Variants in TLR5 observed in about 807,000 individuals in gnomAD.
The protein encoded by TLR5 is toll like receptor 5, also known as toll-like receptor 5.
For missense variants in TLR5, 944 were observed against 999.8 expected, an observed-to-expected ratio of 0.94 and a Z score of 0.75; for synonymous variants, 373 against 384.4, an observed-to-expected ratio of 0.97 and a Z score of 0.35.
At chr1:223,118,858 C>T (rs1571740432) in intron 5 of TLR5, among the ~76,000 whole-genome samples, 1 of 152,090 alleles carries the variant, frequency 6.6e-6, no homozygotes, top group East Asian at 1.9e-4. Flanking sequence ...AACCCCAGCA[C>T]TTTGGGAGGC....
At position 223,109,752 on chromosome 1, in the gene TLR5, G is replaced by A. The variant is rs1408206152; in HGVS notation, c.*703C>T. On this transcript the variant is annotated 3_prime_UTR_variant, in exon 6 of 6. Transcript: ENST00000642603. ...TCAATGAGGTGTGCTAGGAAACAAA[G>A]CTGAAAAGGTAGGTTGGTGATAAAT... The A allele has an allele frequency of 6.5e-6, 1 of 153,094 alleles. No individual in the cohort carries two copies. The highest frequency in any genetic ancestry group is 6.5e-5 in the Admixed American group (1 of 15,364). 9.5% of individuals were successfully genotyped at this position (153,094 alleles called of 1,614,324 possible).
intron 5 of TLR5, among the ~76,000 whole-genome samples, chr1:223,130,584 C>G (rs1322396785): frequency 6.6e-6 from 1 of 152,178 alleles, no homozygotes; most frequent in African/African-American, 2.4e-5. Context: ...TTGCTTGCTT[C>G]TTTCTCTCCT....
chr1:223,121,554 TG>T (rs1656955054), intron 5 of TLR5, among the ~76,000 whole-genome samples: 1 of 152,232 alleles, frequency 6.6e-6, no homozygotes, highest in Non-Finnish European at 1.5e-5. Flanking sequence ...GGTCTCACTC[TG>T]CTGTCCAGGC....
chr1:223,118,535 A>C lies in TLR5; in HGVS notation c.-4-5500T>G, dbSNP rs184861258. ...GTACTCCAGCCTGGGTGACAGAGCA[A>C]GACTCCATCTCAAAAAAAGAAAAAA... On this transcript the variant is annotated intron_variant, in intron 5 of 5. Transcript: ENST00000642603. Among the ~76,000 whole-genome samples, 378 of 150,864 alleles carry C rather than the reference A, an allele frequency of 2.5e-3. 1 individual carries two copies. Among genetic ancestry groups the C allele is most frequent in the Middle Eastern group, 0.01 (3 of 294 alleles).
chr1:223,142,701 G>A (rs1300611761), intron 1 of TLR5, among the ~76,000 whole-genome samples: 6 of 152,194 alleles, frequency 3.9e-5, no homozygotes. Flanking sequence ...GTGCTGTGGG[G>A]TGGGGTGTTT....
intron 5 of TLR5, chr1:223,123,356 C>CA (rs1657025732): frequency 6.6e-6 from 1 of 152,192 alleles, no homozygotes; most frequent in Non-Finnish European, 1.5e-5. Flanking sequence ...AAGTGAAAGA[C>CA]AGCCCCAAAC....
In TLR5 at chr1:223,116,908, A is replaced by G. The variant is rs768142532; in HGVS notation, c.-4-3873T>C. On this transcript the variant is annotated intron_variant, in intron 5 of 5. Transcript: ENST00000642603. ...GAGCCCAGCTGGCTTTGCCTAGTGG[A>G]TCCCGCGTCAGGGCTAGGGGCAGAG... Among the ~76,000 whole-genome samples, 9 of 152,312 alleles carry G rather than the reference A, an allele frequency of 5.9e-5. 1 individual carries two copies. The highest frequency in any genetic ancestry group is 1.2e-4 in the Non-Finnish European group (8 of 68,034).
intron 5 of TLR5, among the ~76,000 whole-genome samples, chr1:223,118,424 GA>G (rs554634954): frequency 7.0e-4 from 107 of 152,010 alleles, no homozygotes; most frequent in Admixed American, 6.2e-3. Context: ...GCGCATGCCT[GA>G]AATCCTAGCT....
rs759869075 is a variant in TLR5 at position 223,111,955 on chromosome 1, T to C, written c.1077A>G (p.Leu359=). The change falls in exon 6 of 6, where the codon CTA becomes CTG. Residue 359 remains leucine (L), a synonymous_variant. Coordinates refer to ENST00000642603, the MANE Select transcript of TLR5 (RefSeq NM_003268.6). The stretch of plus-strand genomic sequence containing the variant: ...GCAAATCAATGTAGGCTACCTTAGG[T>C]AGTCCATAGAAATTCGAACTGTAAA... ...GELYSSNFYG[L]PKVAYIDLQK... is the part of the protein sequence containing the mutation. 6.2e-7 allele frequency: 1 copy of C among 1,614,176 alleles called. No homozygotes were observed. The highest frequency in any genetic ancestry group is 1.7e-5 in the Admixed American group (1 of 60,024).
intron 5 of TLR5, among the ~76,000 whole-genome samples, chr1:223,119,504 A>G (rs1291289235): frequency 6.6e-6 from 1 of 152,148 alleles, no homozygotes; most frequent in African/African-American, 2.4e-5. Flanking sequence ...CATTCCAAAA[A>G]AAAACCTGAA....
At chr1:223,119,983 A>AAATAAAAT (rs1656870406) in intron 5 of TLR5, among the ~76,000 whole-genome samples, 1 of 63,118 alleles carries the variant, frequency 1.6e-5, no homozygotes, top group African/African-American at 9.7e-5. Flanking sequence ...TAAAATAAAT[A>AAATAAAAT]AAATAAAATA....
At chr1:223,136,416 T>C (rs761532896) in intron 3 of TLR5, among the ~76,000 whole-genome samples, 1 of 152,206 alleles carries the variant, frequency 6.6e-6, no homozygotes, top group Non-Finnish European at 1.5e-5. Flanking sequence ...ATTTCTATGG[T>C]TGCTGGCCAG....
intron 5 of TLR5, chr1:223,129,235 G>C (rs1306912679): frequency 2.6e-5 from 4 of 152,270 alleles, no homozygotes; most frequent in African/African-American, 4.8e-5. Flanking sequence ...CTGGGCTCCT[G>C]TCGCAGAAAC....
In TLR5 at chr1:223,112,700, TGCAAGAA is replaced by T. The variant is rs770348423; in HGVS notation, c.325_331del (p.Phe109IlefsTer26). 1.2e-6 allele frequency: 2 copies of T among 1,614,250 alleles called. No individual in the cohort carries two copies. Among genetic ancestry groups the T allele is most frequent in the South Asian group, 2.2e-5 (2 of 91,090 alleles). ...GAACAGTCCCTGAAAAGCATCTGGA[TGCAAGAA>T]GTATATCTTACTACTTCCCAGGTCC... On this transcript the variant is annotated frameshift_variant, in exon 6 of 6. Coordinates refer to ENST00000642603, the MANE Select transcript of TLR5 (RefSeq NM_003268.6). LOFTEE classifies it low-confidence loss of function (END_TRUNC).
chr1:223,117,644 G>A (rs898808769), intron 5 of TLR5, among the ~76,000 whole-genome samples: 3 of 150,944 alleles, frequency 2.0e-5, no homozygotes, highest in African/African-American at 7.3e-5. Flanking sequence ...TCAACAGAAA[G>A]ATAAAGGGAT....
At chr1:223,124,359 C>CTT (rs1388049900) in intron 5 of TLR5, among the ~76,000 whole-genome samples, 4 of 151,380 alleles carry the variant, frequency 2.6e-5, no homozygotes, top group Non-Finnish European at 4.4e-5. Flanking sequence ...AGGAGAAACC[C>CTT]TTGAGCCCAG....
chr1:223,112,411 G>A lies in TLR5; in HGVS notation c.621C>T (p.Ser207=), dbSNP rs144760792. The A allele has an allele frequency of 1.9e-6, 3 of 1,614,104 alleles. No individual in the cohort carries two copies. The highest frequency in any genetic ancestry group is 1.3e-5 in the African/African-American group (1 of 74,932). The part of the protein sequence containing the change: ...TLSFFSLAAN[S]LYSRVSVDWG... ...AGTCCACTGAGACTCTGCTATACAA[G>A]CTATTAGCTGCGAGGCTAAAAAAGG... Residue 207 remains serine, a synonymous_variant, in exon 6 of 6, where the codon AGC becomes AGT. Transcript: ENST00000642603.
chr1:223,118,615 A>G (rs934785972), intron 5 of TLR5, among the ~76,000 whole-genome samples: 2 of 152,102 alleles, frequency 1.3e-5, no homozygotes, highest in East Asian at 3.9e-4. Flanking sequence ...GTGGAGTCCA[A>G]AGTTTGATCA....
Position 223,110,949 on chromosome 1 carries a change from C to A in TLR5, c.2083G>T (p.Ala695Ser). The A allele has an allele frequency of 6.2e-7, 1 of 1,614,218 alleles. No homozygotes were observed. Among genetic ancestry groups the A allele is most frequent in the East Asian group, 2.2e-5 (1 of 44,886 alleles). The change falls in exon 6 of 6, where the codon GCC becomes TCC. Residue 695 changes from alanine to serine, a missense_variant. Coordinates refer to ENST00000642603, the MANE Select transcript of TLR5 (RefSeq NM_003268.6). ...GTEPDMYKYDAYLCFSSKDFT... is the reference protein window; with the variant it reads ...GTEPDMYKYDSYLCFSSKDFT... ...TCTTTGCTGCTGAAGCACAAATAGG[C>A]ATCATATTTGTACATATCAGGTTCT... is the stretch of plus-strand genomic sequence containing the variant.
Sources: gnomAD v4.1 joint callset for allele counts (sites outside exome capture counted in the v4.1 genomes callset) on GRCh38, gnomAD v4.1.1 for gene constraint, MANE v1.5 for transcripts, NCBI Gene and HGNC (gene_info 2026-07-23, HGNC 2026-07-21) for gene names.